FRMPD4: variants seen among roughly 807,000 people sequenced by gnomAD.
FRMPD4 encodes the protein FERM and PDZ domain containing 4.
FRMPD4 carries 22 observed loss-of-function variants against 94.1 expected under a neutral mutation model. The ratio of observed to expected loss-of-function variants is 0.23; its 90% confidence interval spans 0.17 to 0.33. The LOEUF is 0.33. FRMPD4 is among the 10% of genes least tolerant of loss of function. The pLI is 1.00. For synonymous variants in FRMPD4, 631 were observed against 548.6 expected (o/e 1.15, Z -2.10); for missense variants, 1,111 against 1,339.9 (o/e 0.83, Z 2.67).
intron 4 of FRMPD4, among the ~76,000 whole-genome samples, chrX:12,624,746 G>A (rs747534004): frequency 1.8e-5 from 2 of 111,137 alleles, no homozygotes; most frequent in Admixed American, 1.9e-4. Context: ...AAGAGAAAAG[G>A]GGCCAGAAAG....
At chrX:11,903,120 C>T (rs943686408) in intron 3 of FRMPD4, among the ~76,000 whole-genome samples, 10 of 112,061 alleles carry the variant, frequency 8.9e-5, no homozygotes, top group Non-Finnish European at 7.5e-5. Flanking sequence ...TGTTCACAGT[C>T]TTTGAGTGTG....
chrX:12,294,864 C>T (rs2054747388), intron 1 of FRMPD4, among the ~76,000 whole-genome samples: 2 of 112,081 alleles, frequency 1.8e-5, no homozygotes, highest in African/African-American at 6.5e-5. Flanking sequence ...AATGAGATTT[C>T]ATTCTTAGAC....
At chrX:12,696,585 G>GCAAAAAAAAAAAAAAAAAAAAAAAA (rs1491321803) in intron 9 of FRMPD4, among the ~76,000 whole-genome samples, 1 of 9,065 alleles carries the variant, frequency 1.1e-4, no homozygotes, top group Non-Finnish European at 2.0e-4. Context: ...CAAAAATGAA[G>GCAAAAAAAAAAAAAAAAAAAAAAAA]CAAAAAAAAA....
chrX:12,476,045 A>G (rs1266462619), intron 1 of FRMPD4, among the ~76,000 whole-genome samples: 19 of 111,850 alleles, frequency 1.7e-4, no homozygotes, highest in Non-Finnish European at 2.3e-4. Context: ...GAGGCATCAC[A>G]CTACCTGACT....
At chrX:12,469,278 G>C (rs1371554029) in intron 1 of FRMPD4, among the ~76,000 whole-genome samples, 1 of 110,997 alleles carries the variant, frequency 9.0e-6, no homozygotes, top group East Asian at 2.8e-4. Flanking sequence ...TTGAGACAGA[G>C]TCTCACTGTC....
chrX:12,030,358 T>C (rs1456209250), intron 3 of FRMPD4, among the ~76,000 whole-genome samples: 1 of 112,230 alleles, frequency 8.9e-6, no homozygotes, highest in Non-Finnish European at 1.9e-5. Context: ...AACTTGCAAA[T>C]GAGACATCCC....
chrX:11,888,891 T>C (rs1485000472), intron 3 of FRMPD4, among the ~76,000 whole-genome samples: 2 of 112,302 alleles, frequency 1.8e-5, no homozygotes, highest in African/African-American at 3.2e-5. Context: ...ATAAAGTTGC[T>C]CAACGCAGGG....
At chrX:12,331,468 T>A (rs909158148) in intron 1 of FRMPD4, among the ~76,000 whole-genome samples, 11 of 101,965 alleles carry the variant, frequency 1.1e-4, no homozygotes, top group Non-Finnish European at 1.8e-4. Flanking sequence ...CTGAATTAGA[T>A]CTCTGACACA....
Position 12,720,821 on chromosome X carries a change from C to T in FRMPD4, c.4252C>T (p.Arg1418Ter), listed in dbSNP as rs1391302133. The change falls in exon 17 of 17, where the codon CGA becomes TGA. Residue 1418 changes from arginine to a stop codon, truncating the protein, a stop_gained. Transcript: ENST00000675598. LOFTEE classifies it high-confidence loss of function. Reference protein sequence around the residue: ...LSGSVDLETFRERTKGAVSLK... With the variant: ...LSGSVDLETF ...CGGATCTGTCGATTTGGAGACCTTC[C>T]GAGAGAGAACCAAGGGTGCAGTCAG... is the stretch of plus-strand genomic sequence containing the variant. The T allele has an allele frequency of 1.1e-6, 1 of 950,040 alleles. No homozygotes were observed. Among genetic ancestry groups the T allele is most frequent in the Non-Finnish European group, 1.3e-6 (1 of 761,940 alleles). 78.3% of individuals were successfully genotyped at this position (950,040 alleles called of 1,213,427 possible).
At chrX:12,715,938 T>C (rs780623787) in intron 14 of FRMPD4, 131 bp from the exon 15 acceptor site, 20 of 423,912 alleles carry the variant, frequency 4.7e-5, no homozygotes, top group Non-Finnish European at 7.4e-5. Flanking sequence ...ATTTGGGTAG[T>C]TGAAAAACTG....
chrX:11,899,383 CTTTT>C (rs36015171), intron 3 of FRMPD4, among the ~76,000 whole-genome samples: 2 of 82,720 alleles, frequency 2.4e-5, no homozygotes. Flanking sequence ...GTGATGTTGA[CTTTT>C]TTTTTTTTTT....
chrX:12,513,066 T>C (rs768099863), intron 2 of FRMPD4, among the ~76,000 whole-genome samples: 6 of 112,244 alleles, frequency 5.3e-5, no homozygotes, highest in Non-Finnish European at 1.1e-4. Flanking sequence ...TTTAATAGGG[T>C]TGTTTTTTCT....
chrX:12,635,637 A>G (rs1377672858), intron 4 of FRMPD4, among the ~76,000 whole-genome samples: 1 of 111,095 alleles, frequency 9.0e-6, no homozygotes, highest in Non-Finnish European at 1.9e-5. Context: ...TGCCCGTGAG[A>G]AAAGGAGATA....
intron 1 of FRMPD4, among the ~76,000 whole-genome samples, chrX:12,230,395 A>T (rs1449296585): frequency 2.7e-5 from 3 of 111,721 alleles, no homozygotes; most frequent in Non-Finnish European, 5.6e-5. Flanking sequence ...AAATTGATAG[A>T]GACTGCCTTT....
At chrX:12,677,947 A>C (rs188588427) in intron 5 of FRMPD4, among the ~76,000 whole-genome samples, 15 of 112,689 alleles carry the variant, frequency 1.3e-4, no homozygotes, top group African/African-American at 4.8e-4. Flanking sequence ...GGGAAAAAAA[A>C]TACTAAGTGG....
intron 3 of FRMPD4, among the ~76,000 whole-genome samples, chrX:11,995,507 C>T (rs1156659297): frequency 1.8e-5 from 2 of 111,658 alleles, no homozygotes; most frequent in African/African-American, 6.5e-5. Flanking sequence ...ATATTTCAGA[C>T]TTCTTTCCTT....
At chrX:12,001,773 G>A (rs1299913444) in intron 3 of FRMPD4, among the ~76,000 whole-genome samples, 1 of 111,739 alleles carries the variant, frequency 8.9e-6, no homozygotes, top group Non-Finnish European at 1.9e-5. Context: ...AATGAGACTC[G>A]GAATTCTTCC....
chrX:12,180,747 C>T (rs755970757), intron 1 of FRMPD4, among the ~76,000 whole-genome samples: 12 of 112,414 alleles, frequency 1.1e-4, no homozygotes, highest in African/African-American at 3.9e-4. Flanking sequence ...ATTACCCAAA[C>T]CTGACATTGT....
intron 1 of FRMPD4, among the ~76,000 whole-genome samples, chrX:12,331,230 T>G (rs1287106830): frequency 9.1e-6 from 1 of 109,365 alleles, no homozygotes; most frequent in Non-Finnish European, 1.9e-5. Flanking sequence ...TTTCGTTTTT[T>G]TTTTTTTTTT....
Sources: gnomAD v4.1 joint callset for allele counts (sites outside exome capture counted in the v4.1 genomes callset) on GRCh38, gnomAD v4.1.1 for gene constraint, MANE v1.5 for transcripts, NCBI Gene and HGNC (gene_info 2026-07-23, HGNC 2026-07-21) for gene names.